The following NLN variants were observed in gnomAD, a reference collection of about 807,000 sequenced individuals.
NLN encodes the protein neurolysin, also known as neurolysin, mitochondrial.
A neutral mutation model predicts 79.9 loss-of-function variants in NLN; 64 were observed. The observed-to-expected ratio is 0.80, with a 90% CI of 0.65 to 0.99. The LOEUF (loss-of-function observed/expected upper bound fraction) is 0.99, where lower values mean the gene tolerates loss of function less well. Among genes scored for constraint, NLN ranks in the 50% least tolerant of loss-of-function variants. The pLI, the probability that NLN is intolerant of heterozygous loss-of-function variation, is 0.00. For missense variants in NLN, 835 were observed against 858.7 expected, an observed-to-expected ratio of 0.97 and a Z score of 0.34; for synonymous variants, 267 against 296.6, an observed-to-expected ratio of 0.90 and a Z score of 1.02.
At chr5:65,757,076 G>T (rs1335229275) in intron 1 of NLN, among the ~76,000 whole-genome samples, 1 of 151,946 alleles carries the variant, frequency 6.6e-6, no homozygotes, top group Non-Finnish European at 1.5e-5. Flanking sequence ...TTATCCATTT[G>T]TCCTTTCTAC....
At position 65,824,413 on chromosome 5, in the gene NLN, T is replaced by C. The variant is rs1198401867; in HGVS notation, c.*1498T>C. ...AATCCTACTACCCCCTCTTCTGAGA[T>C]AATTTGCCCAGCCCTTCTCTTCCCA... is the stretch of plus-strand genomic sequence containing the variant. On this transcript the variant is annotated 3_prime_UTR_variant, in exon 13 of 13. Coordinates refer to ENST00000380985, the MANE Select transcript of NLN (RefSeq NM_020726.5). 2.0e-5 allele frequency: 3 copies of C among 150,710 alleles called. No homozygotes were observed. Among genetic ancestry groups the C allele is most frequent in the Non-Finnish European group, 4.4e-5 (3 of 67,926 alleles). The allele number at this position is 150,710 out of a possible 1,614,324, so 9.3% of individuals were successfully genotyped here.
At chr5:65,765,243 T>G (rs1193940443) in intron 3 of NLN, among the ~76,000 whole-genome samples, 4 of 151,702 alleles carry the variant, frequency 2.6e-5, no homozygotes, top group Admixed American at 2.6e-4. Context: ...AGTGGCCAGG[T>G]GCGGTGGCTC....
intron 9 of NLN, among the ~76,000 whole-genome samples, chr5:65,806,566 G>A (rs1760416953): frequency 6.6e-6 from 1 of 152,186 alleles, no homozygotes; most frequent in Non-Finnish European, 1.5e-5. Context: ...CTGAATTGCT[G>A]CAATCTCATG....
At chr5:65,752,710 A>G (rs774390395) in intron 1 of NLN, among the ~76,000 whole-genome samples, 2 of 152,212 alleles carry the variant, frequency 1.3e-5, no homozygotes, top group Admixed American at 6.5e-5. Context: ...ATGCTCCGCA[A>G]AATGAAGATG....
intron 1 of NLN, among the ~76,000 whole-genome samples, chr5:65,734,750 A>G (rs566136368): frequency 1.3e-5 from 2 of 152,316 alleles, no homozygotes; most frequent in Admixed American, 1.3e-4. Context: ...AAATAATCAC[A>G]GGTTGATGAA....
At chr5:65,794,746 G>A (rs1365715194) in intron 9 of NLN, among the ~76,000 whole-genome samples, 3 of 152,166 alleles carry the variant, frequency 2.0e-5, no homozygotes, top group Non-Finnish European at 4.4e-5. Context: ...TCTTTTTGTT[G>A]TCCTGACATG....
intron 1 of NLN, among the ~76,000 whole-genome samples, chr5:65,744,768 A>G (rs1235978144): frequency 6.6e-6 from 1 of 152,076 alleles, no homozygotes; most frequent in Non-Finnish European, 1.5e-5. Flanking sequence ...CCAGCTACTC[A>G]AGGGGCCAAG....
In NLN at chr5:65,810,175, T is replaced by A. The variant is rs752802834; in HGVS notation, c.1843+10T>A. On this transcript the variant is annotated intron_variant, in intron 11 of 12. Coordinates refer to ENST00000380985, the MANE Select transcript of NLN (RefSeq NM_020726.5). ...GTTGCAGCTACTCCAGGTATGTAAC[T>A]ACTATGAATTGAGTTCATTTCTCTG... is the stretch of plus-strand genomic sequence containing the variant. 6.2e-7 allele frequency: 1 copy of A among 1,612,732 alleles called. No homozygotes were observed. Among genetic ancestry groups the A allele is most frequent in the Admixed American group, 1.7e-5 (1 of 60,008 alleles).
rs1440283725 is a variant in NLN, at chr5:65,758,599, C to T, written c.74C>T (p.Thr25Met). The T allele has an allele frequency of 5.0e-6, 8 of 1,609,238 alleles. No individual in the cohort carries two copies. The highest frequency in any genetic ancestry group is 3.3e-5 in the Admixed American group (2 of 59,922). The change falls in exon 2 of 13, where the codon ACG (threonine) becomes ATG (methionine). Residue 25 changes from threonine (T) to methionine (M), a missense_variant. By Grantham distance (81) the Thr-to-Met change is moderately conservative (BLOSUM62 -1). Coordinates refer to ENST00000380985, the MANE Select transcript of NLN (RefSeq NM_020726.5). ...VGGSRILLRM[T>M]LGREVMSPLQ... is the part of the protein sequence containing the mutation. ...GGTTCCAGGATTTTACTCAGAATGA[C>T]GTTAGGAAGAGAAGTGATGTCTCCT...
At chr5:65,767,997 T>C (rs1187181074) in intron 3 of NLN, among the ~76,000 whole-genome samples, 4 of 152,212 alleles carry the variant, frequency 2.6e-5, no homozygotes, top group Admixed American at 2.6e-4. Flanking sequence ...TCATTGTCCA[T>C]ATCATTATCA....
rs1366451539 is a variant in NLN at position 65,826,170 on chromosome 5, C to G, written c.*3255C>G. Reference sequence around the variant, plus strand: ...CTCTGTAGAGAGCCATGGGAAGAGACAGGAGGCAGATGTGGAACATAAAGG... The same window carrying G: ...CTCTGTAGAGAGCCATGGGAAGAGAGAGGAGGCAGATGTGGAACATAAAGG... On this transcript the variant is annotated 3_prime_UTR_variant, in exon 13 of 13. Transcript: ENST00000380985. The G allele has an allele frequency of 6.6e-6, 1 of 152,206 alleles. No individual in the cohort carries two copies. Among genetic ancestry groups the G allele is most frequent in the Non-Finnish European group, 1.5e-5 (1 of 68,078 alleles). The allele number at this position is 152,206 out of a possible 1,614,324, so 9.4% of individuals were successfully genotyped here.
intron 1 of NLN, among the ~76,000 whole-genome samples, chr5:65,726,484 G>A (rs889077340): frequency 6.6e-6 from 1 of 152,138 alleles, no homozygotes; most frequent in Non-Finnish European, 1.5e-5. Flanking sequence ...TGTTCATAAA[G>A]TAAAAAGGAT....
At position 65,760,821 on chromosome 5, in the gene NLN, G is replaced by A. The variant is rs77726687; in HGVS notation, c.301+1995G>A. The stretch of plus-strand genomic sequence containing the variant: ...TTACAGATGTGAGCCACCATGGCTG[G>A]CTCAAACAAAATCTTTATAAAATAA... On this transcript the variant is annotated intron_variant, in intron 2 of 12. Transcript: ENST00000380985. 8.3e-3 allele frequency among the ~76,000 whole-genome samples: 1,268 copies of A among 152,236 alleles called. 4 individuals carry two copies. The highest frequency in any genetic ancestry group is 0.017 in the Middle Eastern group (5 of 294).
chr5:65,792,887 A>G (rs960794109), intron 9 of NLN: 12 of 577,522 alleles, frequency 2.1e-5, no homozygotes, highest in Admixed American at 2.0e-4. Context: ...CAGCCTATGG[A>G]AAAAGAATAA....
At chr5:65,773,635 G>A (rs1236760927) in intron 3 of NLN, among the ~76,000 whole-genome samples, 1 of 152,074 alleles carries the variant, frequency 6.6e-6, no homozygotes, top group African/African-American at 2.4e-5. Flanking sequence ...GGGAGGGTTT[G>A]GGGGAAATTA....
chr5:65,770,399 G>C (rs1336274725), intron 3 of NLN, among the ~76,000 whole-genome samples: 1 of 152,180 alleles, frequency 6.6e-6, no homozygotes, highest in Admixed American at 6.5e-5. Flanking sequence ...AACGCACATA[G>C]CAATCAAATG....
At position 65,742,311 on chromosome 5, in the gene NLN, T is replaced by A. The variant is rs537379893; in HGVS notation, c.42-16256T>A. Among the ~76,000 whole-genome samples the A allele has an allele frequency of 2.0e-5, 3 of 152,304 alleles. 1 individual carries two copies. The South Asian group carries it at 6.2e-4, about 32-fold the overall frequency. On this transcript the variant is annotated intron_variant, in intron 1 of 12. Coordinates refer to ENST00000380985, the MANE Select transcript of NLN (RefSeq NM_020726.5). ...GGAAGTTGTACACATTAAGGATGTATGTGGCACTGTTTCCAAAATAAATGT... is the reference window on the plus strand; with the variant it reads ...GGAAGTTGTACACATTAAGGATGTAAGTGGCACTGTTTCCAAAATAAATGT...
chr5:65,785,660 C>A, intron 6 of NLN, 115 bp from the exon 7 acceptor site: 3 of 736,560 alleles, frequency 4.1e-6, no homozygotes, highest in African/African-American at 1.8e-5. Context: ...TTTAAATGGT[C>A]TAAAAATATT....
chr5:65,752,772 T>C (rs567166060), intron 1 of NLN, among the ~76,000 whole-genome samples: 2 of 152,346 alleles, frequency 1.3e-5, no homozygotes, highest in South Asian at 4.1e-4. Context: ...TAGATCAAAA[T>C]GTTTTAGTTA....
Sources: gnomAD v4.1 joint callset for allele counts (sites outside exome capture counted in the v4.1 genomes callset) on GRCh38, gnomAD v4.1.1 for gene constraint, MANE v1.5 for transcripts, NCBI Gene and HGNC (gene_info 2026-07-23, HGNC 2026-07-21) for gene names.